Variants in KDM4C observed in about 807,000 individuals in gnomAD.
The protein encoded by KDM4C is lysine demethylase 4C, also known as lysine-specific demethylase 4C.
Under a neutral mutation model 129.3 loss-of-function variants are expected in KDM4C, and 81 were observed. The ratio of observed to expected loss-of-function variants is 0.63; its 90% CI spans 0.52 to 0.75. KDM4C has a LOEUF of 0.75. Ranked by LOEUF, KDM4C falls within the 30% of genes least tolerant of loss-of-function variation. The pLI, the probability that KDM4C is intolerant of heterozygous loss-of-function variation, is 0.00. For synonymous variants in KDM4C, 573 were observed against 456.1 expected (o/e 1.26, Z -3.26); for missense variants, 1,457 against 1,304.0 (o/e 1.12, Z -1.81).
At chr9:6,821,452 T>C (rs1297890548) in intron 4 of KDM4C, among the ~76,000 whole-genome samples, 1 of 152,226 alleles carries the variant, frequency 6.6e-6, no homozygotes, top group Non-Finnish European at 1.5e-5. Flanking sequence ...GGTTTTGATT[T>C]GCATTTTTCT....
chr9:7,072,037 C>A (rs772407763), intron 17 of KDM4C, among the ~76,000 whole-genome samples: 1 of 152,048 alleles, frequency 6.6e-6, no homozygotes, highest in African/African-American at 2.4e-5. Flanking sequence ...ATAGACAGCA[C>A]ATAAGTACAT....
intron 15 of KDM4C, among the ~76,000 whole-genome samples, chr9:7,024,158 T>C (rs1282154466): frequency 2.0e-5 from 3 of 152,178 alleles, no homozygotes; most frequent in African/African-American, 7.2e-5. Flanking sequence ...TGGTCTGTAG[T>C]GTAGATTACG....
At chr9:7,046,383 G>A (rs185864644) in intron 15 of KDM4C, among the ~76,000 whole-genome samples, 28 of 152,062 alleles carry the variant, frequency 1.8e-4, no homozygotes, top group Admixed American at 1.4e-3. Flanking sequence ...AAAGAGTATC[G>A]TTTAAAAATA....
intron 4 of KDM4C, among the ~76,000 whole-genome samples, chr9:6,830,067 C>T (rs1263799451): frequency 6.6e-6 from 1 of 152,010 alleles, no homozygotes; most frequent in Non-Finnish European, 1.5e-5. Context: ...GTTTCTGTAC[C>T]AAAATTTTTT....
intron 12 of KDM4C, among the ~76,000 whole-genome samples, chr9:7,000,368 A>G (rs1263272678): frequency 6.6e-6 from 1 of 152,176 alleles, no homozygotes; most frequent in Non-Finnish European, 1.5e-5. Flanking sequence ...CAATTTTGAA[A>G]CTTTTCTAAA....
chr9:7,160,688 C>T (rs983247240), intron 19 of KDM4C, among the ~76,000 whole-genome samples: 26 of 152,164 alleles, frequency 1.7e-4, no homozygotes, highest in Non-Finnish European at 3.1e-4. Flanking sequence ...GCTGCCTGAT[C>T]CTTCCTCTGG....
At chr9:6,757,631 G>A (rs1435860028), upstream of KDM4C, 1 of 985,380 alleles carries the variant, frequency 1.0e-6, no homozygotes, top group Non-Finnish European at 1.2e-6. Context: ...ACGTCCGCGC[G>A]TCGGAGGCCG....
At chr9:6,920,552 G>GACTCCATCTCAAAA (rs144597572) in intron 8 of KDM4C, among the ~76,000 whole-genome samples, 1,933 of 87,612 alleles carry the variant, frequency 0.022, 50 homozygotes, top group African/African-American at 0.061. Flanking sequence ...AACAGAACAA[G>GACTCCATCTCAAAA]AAAAAAAAAA....
intron 8 of KDM4C, among the ~76,000 whole-genome samples, chr9:6,907,344 T>C (rs543514133): frequency 6.6e-6 from 1 of 152,358 alleles, no homozygotes; most frequent in South Asian, 2.1e-4. Context: ...TCATCTTTTA[T>C]GCGGTCTACT....
At chr9:6,904,728 A>C (rs895868963) in intron 8 of KDM4C, among the ~76,000 whole-genome samples, 1 of 152,186 alleles carries the variant, frequency 6.6e-6, no homozygotes, top group Non-Finnish European at 1.5e-5. Flanking sequence ...TATTTGAAGG[A>C]ATGTATTTTT....
intron 8 of KDM4C, among the ~76,000 whole-genome samples, chr9:6,939,875 A>G (rs1825529391): frequency 6.6e-6 from 1 of 152,202 alleles, no homozygotes; most frequent in Non-Finnish European, 1.5e-5. Flanking sequence ...CTGAAAGTCT[A>G]AGTAAAAAAC....
At chr9:7,057,773 A>G (rs1458245371) in intron 17 of KDM4C, among the ~76,000 whole-genome samples, 2 of 152,250 alleles carry the variant, frequency 1.3e-5, no homozygotes, top group Non-Finnish European at 2.9e-5. Flanking sequence ...AGCAGGGCAT[A>G]GAAGGGCTCT....
chr9:7,058,786 C>T (rs1730073681), intron 17 of KDM4C, among the ~76,000 whole-genome samples: 1 of 152,168 alleles, frequency 6.6e-6, no homozygotes, highest in African/African-American at 2.4e-5. Flanking sequence ...TGCTATAATA[C>T]ATCATGGCCT....
chr9:6,968,534 A>T lies in KDM4C; in HGVS notation c.922-12391A>T, dbSNP rs550559260. ...TGTGGTTAAACAATAATTAAGTTAA[A>T]CTGTTTCCACATATTTTATGGTTTC... On this transcript the variant is annotated intron_variant, in intron 8 of 21. Transcript: ENST00000381309. Among the ~76,000 whole-genome samples, 5 of 152,276 alleles carry T rather than the reference A, an allele frequency of 3.3e-5. No homozygotes were observed. The South Asian group carries it at 1.0e-3, about 32-fold the overall frequency.
chr9:6,983,197 C>T (rs1431733661), intron 9 of KDM4C, among the ~76,000 whole-genome samples: 1 of 152,158 alleles, frequency 6.6e-6, no homozygotes, highest in Non-Finnish European at 1.5e-5. Context: ...CTATTCTCTG[C>T]CCTCCCTGAC....
intron 5 of KDM4C, among the ~76,000 whole-genome samples, chr9:6,863,652 C>T (rs886681566): frequency 3.9e-5 from 6 of 151,910 alleles, no homozygotes; most frequent in African/African-American, 1.5e-4. Flanking sequence ...AAAAATTAGC[C>T]AGGCGTGGTG....
At chr9:7,022,996 C>G (rs185544125) in intron 15 of KDM4C, among the ~76,000 whole-genome samples, 1 of 152,256 alleles carries the variant, frequency 6.6e-6, no homozygotes, top group Admixed American at 6.5e-5. Context: ...TGGGATAAAT[C>G]CCACTTGGTC....
chr9:6,835,415 C>T, intron 4 of KDM4C: 3 of 1,164,622 alleles, frequency 2.6e-6, no homozygotes, highest in Non-Finnish European at 3.9e-6. Context: ...GCCCTGGCGC[C>T]CAGCACGATG....
Position 7,011,892 on chromosome 9 carries a change from G to C in KDM4C, c.1968+13G>C. 6.2e-7 allele frequency: 1 copy of C among 1,608,186 alleles called. No individual in the cohort carries two copies. The highest frequency in any genetic ancestry group is 8.5e-7 in the Non-Finnish European group (1 of 1,175,906). On this transcript the variant is annotated intron_variant, in intron 13 of 21. Coordinates refer to ENST00000381309, the MANE Select transcript of KDM4C (RefSeq NM_015061.6). Reference sequence around the variant, plus strand: ...GCCGTACCACAAGGTAAAGGAGCCTGCTATCATAGTTCCCTTCACTGCTCT... The same window carrying C: ...GCCGTACCACAAGGTAAAGGAGCCTCCTATCATAGTTCCCTTCACTGCTCT...
Sources: gnomAD v4.1 joint callset for allele counts (sites outside exome capture counted in the v4.1 genomes callset) on GRCh38, gnomAD v4.1.1 for gene constraint, MANE v1.5 for transcripts, NCBI Gene and HGNC (gene_info 2026-07-23, HGNC 2026-07-21) for gene names.